The following SUGCT variants were observed in gnomAD, a reference collection of about 807,000 sequenced individuals.
SUGCT encodes the protein succinyl-CoA:glutarate CoA-transferase.
Under a neutral mutation model 55.0 loss-of-function variants are expected in SUGCT, and 41 were observed. The ratio of observed to expected loss-of-function variants is 0.74; its 90% CI spans 0.58 to 0.97. The LOEUF (loss-of-function observed/expected upper bound fraction) is 0.97, where lower values mean the gene tolerates loss of function less well. Ranked by LOEUF, SUGCT falls within the 50% of genes least tolerant of loss-of-function variation. The pLI is 0.00. For missense variants in SUGCT, 568 were observed against 547.8 expected (o/e 1.04, Z -0.37); for synonymous variants, 187 against 200.4 (o/e 0.93, Z 0.56).
intron 7 of SUGCT, among the ~76,000 whole-genome samples, chr7:40,238,599 T>G (rs1789161025): frequency 6.6e-6 from 1 of 152,218 alleles, no homozygotes; most frequent in Admixed American, 6.6e-5. Flanking sequence ...TGGAATAAAC[T>G]GAGACAGAGT....
chr7:40,261,079 A>G (rs1791192586), intron 7 of SUGCT, among the ~76,000 whole-genome samples: 1 of 152,112 alleles, frequency 6.6e-6, no homozygotes, highest in Non-Finnish European at 1.5e-5. Context: ...GGCCAAAATG[A>G]TTTCAGGGAT....
chr7:40,355,628 GATTAA>G (rs1375564403), intron 9 of SUGCT, among the ~76,000 whole-genome samples: 2 of 152,148 alleles, frequency 1.3e-5, no homozygotes, highest in Non-Finnish European at 2.9e-5. Flanking sequence ...AATTTTAAGT[GATTAA>G]ATTAAAGAAT....
At chr7:40,143,566 A>T (rs1172211954) in intron 1 of SUGCT, among the ~76,000 whole-genome samples, 3 of 152,276 alleles carry the variant, frequency 2.0e-5, no homozygotes, top group African/African-American at 4.8e-5. Context: ...GCGCACAAGC[A>T]TAACAATTGC....
At chr7:40,728,786 A>C (rs1026724018) in intron 12 of SUGCT, among the ~76,000 whole-genome samples, 3 of 152,234 alleles carry the variant, frequency 2.0e-5, no homozygotes, top group African/African-American at 7.2e-5. Flanking sequence ...CTATAGGTCC[A>C]GTCTGTGGAG....
At chr7:40,183,047 C>T (rs1218835453) in intron 3 of SUGCT, among the ~76,000 whole-genome samples, 1 of 152,178 alleles carries the variant, frequency 6.6e-6, no homozygotes, top group Non-Finnish European at 1.5e-5. Context: ...CCAAGGCAGG[C>T]GGATCACCTG....
At chr7:40,479,511 T>A (rs1467523644) in intron 11 of SUGCT, among the ~76,000 whole-genome samples, 1 of 152,152 alleles carries the variant, frequency 6.6e-6, no homozygotes, top group Non-Finnish European at 1.5e-5. Flanking sequence ...TACTTAGCAA[T>A]GCATTTCTGT....
chr7:40,933,969 G>A, the SUGCT span, among the ~76,000 whole-genome samples: 1 of 152,146 alleles, frequency 6.6e-6, no homozygotes, highest in Non-Finnish European at 1.5e-5. Flanking sequence ...ATCCAGCTTT[G>A]TTCCATTGCT....
At chr7:40,163,578 C>G (rs1444478521) in intron 1 of SUGCT, among the ~76,000 whole-genome samples, 1 of 149,154 alleles carries the variant, frequency 6.7e-6, no homozygotes, top group Non-Finnish European at 1.5e-5. Flanking sequence ...GCACTCCAGC[C>G]TGGGTGATAG....
At chr7:40,626,850 T>C (rs768712130) in intron 12 of SUGCT, among the ~76,000 whole-genome samples, 3 of 152,142 alleles carry the variant, frequency 2.0e-5, no homozygotes, top group Non-Finnish European at 2.9e-5. Flanking sequence ...ACACGGAAAA[T>C]GCTCAATAAA....
intron 9 of SUGCT, among the ~76,000 whole-genome samples, chr7:40,381,135 A>G (rs959378294): frequency 6.6e-6 from 1 of 152,102 alleles, no homozygotes; most frequent in Non-Finnish European, 1.5e-5. Flanking sequence ...TAGATTCCTC[A>G]GTAGTGATTT....
intron 9 of SUGCT, among the ~76,000 whole-genome samples, chr7:40,323,491 G>A (rs1431303919): frequency 6.6e-6 from 1 of 152,036 alleles, no homozygotes; most frequent in Admixed American, 6.6e-5. Flanking sequence ...TCAAACTCAA[G>A]CAAACCTCCC....
At chr7:40,638,974 CTGAT>C (rs983346868) in intron 12 of SUGCT, among the ~76,000 whole-genome samples, 12 of 152,290 alleles carry the variant, frequency 7.9e-5, no homozygotes, top group African/African-American at 2.9e-4. Flanking sequence ...CCAAAGAAAA[CTGAT>C]TGGAAAACAC....
chr7:40,320,227 C>T (rs1584671071), intron 9 of SUGCT, among the ~76,000 whole-genome samples: 1 of 151,002 alleles, frequency 6.6e-6, no homozygotes, highest in Admixed American at 6.6e-5. Flanking sequence ...CTGCCTCAGC[C>T]TCCTGAGTAG....
At chr7:40,519,763 T>A in intron 12 of SUGCT, among the ~76,000 whole-genome samples, 1 of 152,112 alleles carries the variant, frequency 6.6e-6, no homozygotes, top group East Asian at 1.9e-4. Flanking sequence ...ATTAAGTTAA[T>A]AATTAATAAA....
At chr7:40,938,479 TTAAC>T in the SUGCT span, among the ~76,000 whole-genome samples, 35 of 152,268 alleles carry the variant, frequency 2.3e-4, no homozygotes, top group African/African-American at 7.5e-4. Context: ...ACTTAATTAA[TTAAC>T]TAATTAATTT....
chr7:40,511,101 A>G (rs1341142390), intron 12 of SUGCT, among the ~76,000 whole-genome samples: 2 of 152,178 alleles, frequency 1.3e-5, no homozygotes, highest in Non-Finnish European at 2.9e-5. Context: ...GTATTTTTCC[A>G]TCATCGTCAT....
At chr7:40,531,811 C>T (rs909025816) in intron 12 of SUGCT, among the ~76,000 whole-genome samples, 1 of 151,578 alleles carries the variant, frequency 6.6e-6, no homozygotes, top group Non-Finnish European at 1.5e-5. Flanking sequence ...GTAGCGGGGA[C>T]TACAGGCGCC....
chr7:40,660,780 C>T (rs554615752), intron 12 of SUGCT, among the ~76,000 whole-genome samples: 4 of 152,316 alleles, frequency 2.6e-5, no homozygotes, highest in African/African-American at 4.8e-5. Flanking sequence ...GTTTACCTCA[C>T]TTACTCTGAT....
chr7:40,222,740 C>T (rs1382449451), intron 6 of SUGCT, among the ~76,000 whole-genome samples: 2 of 152,060 alleles, frequency 1.3e-5, no homozygotes, highest in African/African-American at 4.8e-5. Flanking sequence ...ACTCGAGAGG[C>T]TGAGGCAGGA....
Sources: gnomAD v4.1 joint callset for allele counts (sites outside exome capture counted in the v4.1 genomes callset) on GRCh38, gnomAD v4.1.1 for gene constraint, MANE v1.5 for transcripts, NCBI Gene and HGNC (gene_info 2026-07-23, HGNC 2026-07-21) for gene names.